The following ANKRD12 variants were observed in gnomAD, a reference collection of about 807,000 sequenced individuals.
ANKRD12 encodes the protein ankyrin repeat domain-containing protein 12.
A neutral mutation model predicts 183.4 loss-of-function variants in ANKRD12; 85 were observed. The ratio of observed to expected loss-of-function variants is 0.46; its 90% CI spans 0.39 to 0.56. The LOEUF (loss-of-function observed/expected upper bound fraction) is 0.56. ANKRD12 is among the 20% of genes least tolerant of loss of function. ANKRD12 has a pLI of 0.00. For missense variants in ANKRD12, 2,405 were observed against 2,357.1 expected (o/e 1.02, Z -0.42); for synonymous variants, 914 against 800.2 (o/e 1.14, Z -2.40).
intron 3 of ANKRD12, 73 bp downstream of exon 3, chr18:9,195,771 C>A: frequency 7.6e-7 from 1 of 1,310,508 alleles, no homozygotes; most frequent in Non-Finnish European, 1.0e-6. Flanking sequence ...TTGTACACCA[C>A]TCCTCTTGAC....
At chr18:9,138,505 C>T (rs1002501687) in intron 1 of ANKRD12, among the ~76,000 whole-genome samples, 3 of 152,172 alleles carry the variant, frequency 2.0e-5, no homozygotes, top group African/African-American at 7.2e-5. Context: ...AAGAGCGAAA[C>T]TCCGTCGCAA....
chr18:9,240,822 A>G (rs576025910), intron 8 of ANKRD12, among the ~76,000 whole-genome samples: 1 of 152,264 alleles, frequency 6.6e-6, no homozygotes, highest in South Asian at 2.1e-4. Context: ...GTTGTTACCC[A>G]CTGGTTTACT....
intron 2 of ANKRD12, among the ~76,000 whole-genome samples, chr18:9,185,283 A>G (rs1479796129): frequency 6.6e-6 from 1 of 152,230 alleles, no homozygotes. Flanking sequence ...AGAAAGAACC[A>G]GTCAGAATGC....
At chr18:9,190,636 C>T (rs1348498132) in intron 2 of ANKRD12, among the ~76,000 whole-genome samples, 2 of 152,130 alleles carry the variant, frequency 1.3e-5, no homozygotes, top group African/African-American at 4.8e-5. Flanking sequence ...GTAATAGCCA[C>T]CCCAACCATC....
intron 1 of ANKRD12, among the ~76,000 whole-genome samples, chr18:9,158,317 G>A (rs1020446199): frequency 5.3e-5 from 8 of 152,126 alleles, no homozygotes; most frequent in Non-Finnish European, 1.2e-4. Context: ...GATTGCCCTA[G>A]TTTTTTGAAT....
At chr18:9,149,612 T>C (rs570298150) in intron 1 of ANKRD12, among the ~76,000 whole-genome samples, 21 of 152,238 alleles carry the variant, frequency 1.4e-4, no homozygotes, top group African/African-American at 5.1e-4. Flanking sequence ...TTCCTTCTAA[T>C]GTATTTTACC....
intron 7 of ANKRD12, among the ~76,000 whole-genome samples, chr18:9,218,850 G>A (rs2036261121): frequency 6.6e-6 from 1 of 151,550 alleles, no homozygotes; most frequent in South Asian, 2.1e-4. Context: ...AATTTTTTTT[G>A]TAGAGACCCT....
intron 4 of ANKRD12, among the ~76,000 whole-genome samples, chr18:9,207,351 A>C (rs1300875369): frequency 6.6e-6 from 1 of 152,110 alleles, no homozygotes; most frequent in Non-Finnish European, 1.5e-5. Flanking sequence ...TAAGTCTTGA[A>C]ATTTTGTTTT....
chr18:9,192,525 A>T (rs1166650283), intron 2 of ANKRD12, among the ~76,000 whole-genome samples: 1 of 152,144 alleles, frequency 6.6e-6, no homozygotes, highest in Non-Finnish European at 1.5e-5. Context: ...TATCAATTTC[A>T]TTTTAGACTT....
At position 9,256,758 on chromosome 18, in the gene ANKRD12, C is replaced by T. The variant is rs767440381; in HGVS notation, c.3491C>T (p.Ser1164Leu). ...CCTAAAGATGCTGTAAGTAACAGAT[C>T]ACAATCTGTTGACACCAAAAATGTA... The part of the protein sequence containing the change: ...KQPKDAVSNR[S>L]QSVDTKNVMT... Residue 1164 changes from serine to leucine, a missense_variant, in exon 9 of 13, where the codon TCA becomes TTA. This residue lies in a region of ANKRD12 where 1,983 missense variants were observed against 1,725.9 expected (regional missense o/e 1.15). Transcript: ENST00000262126. The T allele has an allele frequency of 4.3e-6, 7 of 1,613,686 alleles. No individual in the cohort carries two copies. Among genetic ancestry groups the T allele is most frequent in the Non-Finnish European group, 5.9e-6 (7 of 1,179,854 alleles).
chr18:9,258,975 A>C, intron 9 of ANKRD12, 44 bp downstream of exon 9: 1 of 1,533,164 alleles, frequency 6.5e-7, no homozygotes, highest in Non-Finnish European at 8.7e-7. Context: ...ACACTGCCCA[A>C]TAGAAGTATA....
chr18:9,157,542 T>TGG (rs2030679659), intron 1 of ANKRD12, among the ~76,000 whole-genome samples: 5 of 128,274 alleles, frequency 3.9e-5, no homozygotes, highest in Non-Finnish European at 6.4e-5. Context: ...AATTTTATGG[T>TGG]GTGTGTGGGT....
intron 4 of ANKRD12, among the ~76,000 whole-genome samples, chr18:9,204,758 G>A (rs2035381551): frequency 6.6e-6 from 1 of 152,178 alleles, no homozygotes. Flanking sequence ...CTTGTAGCAG[G>A]ACTGCCATAT....
chr18:9,154,458 C>T (rs1250571553), intron 1 of ANKRD12, among the ~76,000 whole-genome samples: 1 of 152,066 alleles, frequency 6.6e-6, no homozygotes, highest in Non-Finnish European at 1.5e-5. Context: ...TGCAGAAGCA[C>T]ACACCTGTAC....
chr18:9,226,496 C>T (rs1166624728), intron 8 of ANKRD12, among the ~76,000 whole-genome samples: 1 of 152,116 alleles, frequency 6.6e-6, no homozygotes, highest in Non-Finnish European at 1.5e-5. Flanking sequence ...AGTTCCTGCC[C>T]CTCCCACTGA....
At chr18:9,260,277 A>G (rs2038887851) in intron 9 of ANKRD12, 1 of 152,190 alleles carries the variant, frequency 6.6e-6, no homozygotes, top group Non-Finnish European at 1.5e-5. Flanking sequence ...CAGGCCTGAT[A>G]ACAATAACTG....
chr18:9,256,231 C>T lies in ANKRD12; in HGVS notation c.2964C>T (p.Asp988=), dbSNP rs202107981. Residue 988 remains aspartate (D), a synonymous_variant, in exon 9 of 13, where the codon GAC becomes GAT. Coordinates refer to ENST00000262126, the MANE Select transcript of ANKRD12 (RefSeq NM_015208.5). ...AAGAAAAAAAATCAAGTATAGTAGA[C>T]GGTAATAAAGCACAACATGAAAAAC... is the stretch of plus-strand genomic sequence containing the variant. ...IQEEKKSSIV[D]GNKAQHEKPL... is the part of the protein sequence containing the mutation. 262 of 1,594,060 alleles carry T rather than the reference C, an allele frequency of 1.6e-4. No individual in the cohort carries two copies. Among genetic ancestry groups the T allele is most frequent in the Middle Eastern group, 8.4e-4 (5 of 5,968 alleles).
intron 2 of ANKRD12, among the ~76,000 whole-genome samples, chr18:9,183,015 T>C (rs2033810360): frequency 6.6e-6 from 1 of 152,116 alleles, no homozygotes; most frequent in Admixed American, 6.5e-5. Flanking sequence ...ATGTCTGAGG[T>C]GTTTCCAGAC....
At position 9,256,832 on chromosome 18, in the gene ANKRD12, TCTC is replaced by T. The variant is rs1328828660; in HGVS notation, c.3568_3570del (p.Pro1190del). 2 of 1,613,940 alleles carry T rather than the reference TCTC, an allele frequency of 1.2e-6. No homozygotes were observed. Among genetic ancestry groups the T allele is most frequent in the Non-Finnish European group, 1.7e-6 (2 of 1,179,920 alleles). On this transcript the variant is annotated inframe_deletion, in exon 9 of 13. Transcript: ENST00000262126. The stretch of plus-strand genomic sequence containing the variant: ...TGTTTCAGATAATAGCTTAAACAGG[TCTC>T]CTAGATCAGAAAATGAAAAGCCGGG...
Sources: allele counts gnomAD v4.1 joint callset (sites outside exome capture counted in the v4.1 genomes callset), GRCh38; gene constraint gnomAD v4.1.1; regional missense constraint gnomAD v4.1.1; transcripts MANE v1.5; gene names NCBI Gene and HGNC (gene_info 2026-07-23, HGNC 2026-07-21).